MMP26: variants seen among roughly 807,000 people sequenced by gnomAD.
MMP26 encodes the protein matrix metallopeptidase 26.
In MMP26, 33 loss-of-function variants were observed where a neutral mutation model predicts 31.0. The ratio of observed to expected loss-of-function variants is 1.06; its 90% CI spans 0.81 to 1.42. The LOEUF is 1.42. Among genes scored for constraint, MMP26 ranks in the 40% most tolerant of loss-of-function variants. The probability of loss-of-function intolerance (pLI) is 0.00; values close to 1 mark genes in which losing one functional copy is unlikely to be tolerated. For missense variants in MMP26, 347 were observed against 316.1 expected, an observed-to-expected ratio of 1.10 and a Z score of -0.74; for synonymous variants, 122 against 114.9, an observed-to-expected ratio of 1.06 and a Z score of -0.40.
At chr11:4,723,853 T>A in intron 1 of MMP26, 1 of 1,458,954 alleles carries the variant, frequency 6.9e-7, no homozygotes, top group Non-Finnish European at 9.5e-7. Flanking sequence ...CCGTACCTTG[T>A]CTATGAAGGA....
chr11:4,813,426 G>C (rs990464765), intron 2 of MMP26, among the ~76,000 whole-genome samples: 1 of 151,424 alleles, frequency 6.6e-6, no homozygotes, highest in African/African-American at 2.4e-5. Context: ...GTCTTGCTAT[G>C]TTGCCCAGCT....
intron 2 of MMP26, among the ~76,000 whole-genome samples, chr11:4,782,783 T>C (rs1848881798): frequency 6.6e-6 from 1 of 152,162 alleles, no homozygotes; most frequent in South Asian, 2.1e-4. Flanking sequence ...GTGCCCTGCA[T>C]CCCAGCTGCT....
At chr11:4,767,398 A>G (rs182652715) in intron 2 of MMP26, 57 bp downstream of exon 2, 2 of 152,186 alleles carry the variant, frequency 1.3e-5, no homozygotes, top group Non-Finnish European at 2.9e-5. Flanking sequence ...TTATTTCATG[A>G]CTTTTTGTTC....
intron 2 of MMP26, chr11:4,875,064 C>G (rs776986458): frequency 6.6e-6 from 1 of 152,098 alleles, no homozygotes; most frequent in Non-Finnish European, 1.5e-5. Context: ...ATGATTGAAT[C>G]TGTCTTTTGG....
chr11:4,723,651 C>T (rs909803140), intron 1 of MMP26: 1 of 875,062 alleles, frequency 1.1e-6, no homozygotes, highest in South Asian at 1.3e-5. Context: ...CATCCTCATA[C>T]TTGTTCTTGC....
intron 2 of MMP26, chr11:4,882,715 G>T (rs772529902): frequency 4.5e-5 from 73 of 1,613,702 alleles, no homozygotes; most frequent in Non-Finnish European, 5.8e-5. Context: ...CCACCCCAAG[G>T]GTGCTCTGTA....
At chr11:4,732,182 T>G (rs1306667959) in intron 1 of MMP26, among the ~76,000 whole-genome samples, 2 of 152,184 alleles carry the variant, frequency 1.3e-5, no homozygotes, top group African/African-American at 4.8e-5. Flanking sequence ...TCGTTCGATA[T>G]TCTCCTGTAC....
At chr11:4,987,245 T>G (rs1046604597) in intron 2 of MMP26, among the ~76,000 whole-genome samples, 1 of 152,004 alleles carries the variant, frequency 6.6e-6, no homozygotes, top group African/African-American at 2.4e-5. Context: ...TGTATATGTA[T>G]CTATACATAT....
At chr11:4,728,055 G>A (rs573939502) in intron 1 of MMP26, among the ~76,000 whole-genome samples, 3 of 151,938 alleles carry the variant, frequency 2.0e-5, no homozygotes, top group African/African-American at 7.2e-5. Flanking sequence ...TGTATTAGGA[G>A]GTCTAAATTA....
chr11:4,962,462 G>T (rs575671666), intron 2 of MMP26, among the ~76,000 whole-genome samples: 1 of 152,068 alleles, frequency 6.6e-6, no homozygotes, highest in Non-Finnish European at 1.5e-5. Flanking sequence ...AAGCGTGCTG[G>T]GTTAGGACAG....
intron 1 of MMP26, among the ~76,000 whole-genome samples, chr11:4,748,543 C>A (rs1848408834): frequency 7.4e-6 from 1 of 135,702 alleles, no homozygotes. Context: ...AAATTCTTAA[C>A]AAAATACTAG....
At chr11:4,886,539 T>C (rs79278557) in intron 2 of MMP26, among the ~76,000 whole-genome samples, 3,072 of 152,010 alleles carry the variant, frequency 0.02, 98 homozygotes, top group African/African-American at 0.069. Context: ...GTTATTCAGA[T>C]AACTAATTGT....
At chr11:4,816,967 C>A (rs995542796) in intron 2 of MMP26, among the ~76,000 whole-genome samples, 11 of 150,818 alleles carry the variant, frequency 7.3e-5, no homozygotes, top group Non-Finnish European at 1.2e-4. Context: ...GCCTCGGCCT[C>A]CCAAAGTGGG....
intron 2 of MMP26, among the ~76,000 whole-genome samples, chr11:4,895,078 C>T (rs1850680770): frequency 6.6e-6 from 1 of 152,086 alleles, no homozygotes; most frequent in Non-Finnish European, 1.5e-5. Flanking sequence ...AATGCATTTT[C>T]CCCAAGTACA....
intron 2 of MMP26, chr11:4,919,165 T>G (rs1409641458): frequency 6.6e-6 from 1 of 152,260 alleles, no homozygotes; most frequent in Non-Finnish European, 1.5e-5. Flanking sequence ...AAAATCTGAC[T>G]GTAGCATTTA....
intron 2 of MMP26, among the ~76,000 whole-genome samples, chr11:4,846,751 A>T (rs35156506): frequency 0.11 from 17,509 of 152,290 alleles, 1,117 homozygotes; most frequent in Middle Eastern, 0.18. Context: ...CTACAACAAT[A>T]GTGCTCCTCA....
At position 4,724,029 on chromosome 11, in the gene MMP26, A is replaced by C. The variant is rs1589883942; in HGVS notation, c.-217+18984A>C. On this transcript the variant is annotated intron_variant, in intron 1 of 7. Coordinates refer to ENST00000380390, the MANE Select transcript of MMP26 (RefSeq NM_021801.5). ...ACCCACCATAACCTCCACCCAGGCT[A>C]CCCCGGAAGCTGCTGGTACCACTGG... 2.7e-5 allele frequency: 18 copies of C among 678,102 alleles called. No individual in the cohort carries two copies. In the East Asian group the frequency reaches 4.5e-4, roughly 17 times the overall value. 42.0% of individuals were successfully genotyped at this position (678,102 alleles called of 1,614,324 possible). A position where few individuals can be genotyped will look rare whatever the true frequency, so the allele number is the denominator to read the frequency against.
Position 4,951,570 on chromosome 11 carries a change from T to TA in MMP26, c.-144-36492dup, listed in dbSNP as rs1846374035. The stretch of plus-strand genomic sequence containing the variant: ...ATAAATACTGGGTTGTTAGGTTTCT[T>TA]AAAAAATAATTTTTATGTTGTTTGT... On this transcript the variant is annotated intron_variant, in intron 2 of 7. Coordinates refer to ENST00000380390, the MANE Select transcript of MMP26 (RefSeq NM_021801.5). Among the ~76,000 whole-genome samples, 2 of 124,696 alleles carry TA rather than the reference T, an allele frequency of 1.6e-5. 1 individual carries two copies. The highest frequency in any genetic ancestry group is 5.4e-5 in the African/African-American group (2 of 36,746). The allele number at this position is 124,696 out of a possible 152,430, so 81.8% of individuals were successfully genotyped here. A position where few individuals can be genotyped will look rare whatever the true frequency, so the allele number is the denominator to read the frequency against.
At chr11:4,768,070 TGTGAAAACTGTGA>T (rs370322566) in intron 2 of MMP26, among the ~76,000 whole-genome samples, 2 of 152,134 alleles carry the variant, frequency 1.3e-5, no homozygotes, top group African/African-American at 2.4e-5. Context: ...TAATGGCATT[TGTGAAAACTGTGA>T]AAACTATGGA....
Sources: allele counts gnomAD v4.1 joint callset (sites outside exome capture counted in the v4.1 genomes callset), GRCh38; gene constraint gnomAD v4.1.1; transcripts MANE v1.5; gene names NCBI Gene and HGNC (gene_info 2026-07-23, HGNC 2026-07-21).